Variants in CTNNA2 observed in about 807,000 individuals in gnomAD.
CTNNA2 encodes the protein catenin alpha 2, also known as catenin alpha-2.
In CTNNA2, 42 loss-of-function variants were observed where a neutral mutation model predicts 101.0. That is an observed-to-expected ratio of 0.42 (90% CI 0.32 to 0.54). CTNNA2 has a LOEUF of 0.54. Among genes scored for constraint, CTNNA2 ranks in the 20% least tolerant of loss-of-function variants. CTNNA2 has a pLI of 0.14. For synonymous variants in CTNNA2, 450 were observed against 456.4 expected, an observed-to-expected ratio of 0.99 and a Z score of 0.18; for missense variants, 871 against 1,223.1, an observed-to-expected ratio of 0.71 and a Z score of 4.29.
chr2:80,135,163 G>A (rs1439695696), intron 7 of CTNNA2, among the ~76,000 whole-genome samples: 1 of 152,180 alleles, frequency 6.6e-6, no homozygotes, highest in Non-Finnish European at 1.5e-5. Context: ...TGGGGATTAG[G>A]CTTGGGTGAT....
intron 7 of CTNNA2, among the ~76,000 whole-genome samples, chr2:80,353,623 C>A (rs1209452540): frequency 2.6e-5 from 4 of 152,116 alleles, no homozygotes; most frequent in Non-Finnish European, 5.9e-5. Flanking sequence ...TGTTCTAGAC[C>A]TACCTCTGCC....
chr2:79,579,233 C>T (rs1191356460), intron 1 of CTNNA2, among the ~76,000 whole-genome samples: 1 of 146,714 alleles, frequency 6.8e-6, no homozygotes, highest in African/African-American at 2.5e-5. Flanking sequence ...TATCCCTTCC[C>T]TTCCCTTCCT....
chr2:79,591,953 A>G (rs529418429), intron 1 of CTNNA2, among the ~76,000 whole-genome samples: 10 of 135,536 alleles, frequency 7.4e-5, no homozygotes, highest in African/African-American at 2.7e-4. Flanking sequence ...TCTTTTTTAC[A>G]TTCATTTAAT....
rs750967489 is a variant in CTNNA2 at position 80,647,907 on chromosome 2, TTTTC to T, written c.*47_*50del. ...TTTTAACAAGAAAGCTTTTTCTTTCTTTTCTTTCTTTCTTTTTCTTTTTAATTCC... is the reference window on the plus strand; with the variant it reads ...TTTTAACAAGAAAGCTTTTTCTTTCTTTTCTTTCTTTTTCTTTTTAATTCC... On this transcript the variant is annotated 3_prime_UTR_variant, in exon 19 of 19. Coordinates refer to ENST00000402739, the MANE Select transcript of CTNNA2 (RefSeq NM_001282597.3). The T allele has an allele frequency of 7.6e-5, 116 of 1,527,608 alleles. No individual in the cohort carries two copies. Among genetic ancestry groups the T allele is most frequent in the African/African-American group, 2.6e-4 (19 of 71,714 alleles). The allele number at this position is 1,527,608 out of a possible 1,614,324, so 94.6% of individuals were successfully genotyped here.
chr2:79,803,288 C>G (rs1328957757), intron 3 of CTNNA2, among the ~76,000 whole-genome samples: 1 of 152,218 alleles, frequency 6.6e-6, no homozygotes, highest in Non-Finnish European at 1.5e-5. Flanking sequence ...AATTAAGATA[C>G]ACACACAGAA....
intron 7 of CTNNA2, among the ~76,000 whole-genome samples, chr2:80,103,107 G>C (rs7575007): frequency 0.22 from 33,969 of 151,978 alleles, 4,606 homozygotes; most frequent in East Asian, 0.52. Flanking sequence ...TGAGTTTCCT[G>C]TCCTTGATTT....
At position 80,237,132 on chromosome 2, in the gene CTNNA2, T is replaced by G. The variant is rs141932672; in HGVS notation, c.1057-156079T>G. Reference sequence around the variant, plus strand: ...ATCAGAAAACACAGCCACAAAGACATGAGTTCAGAATAAGTGTCTTACAAG... The same window carrying G: ...ATCAGAAAACACAGCCACAAAGACAGGAGTTCAGAATAAGTGTCTTACAAG... On this transcript the variant is annotated intron_variant, in intron 7 of 18. Transcript: ENST00000402739. Among the ~76,000 whole-genome samples the G allele has an allele frequency of 5.0e-3, 763 of 152,200 alleles. 6 individuals are homozygous for G. The highest frequency in any genetic ancestry group is 0.017 in the African/African-American group (719 of 41,534).
chr2:80,067,740 C>A (rs1284680413), intron 7 of CTNNA2, among the ~76,000 whole-genome samples: 1 of 152,174 alleles, frequency 6.6e-6, no homozygotes. Context: ...TCTCCCTACT[C>A]TTCTGGATCC....
chr2:80,322,641 G>A (rs1678826373), intron 7 of CTNNA2, among the ~76,000 whole-genome samples: 1 of 151,876 alleles, frequency 6.6e-6, no homozygotes, highest in Non-Finnish European at 1.5e-5. Flanking sequence ...CAGCCCAGCC[G>A]CCGCGTGTGT....
At chr2:79,676,775 A>G (rs1465346376) in intron 2 of CTNNA2, among the ~76,000 whole-genome samples, 2 of 152,212 alleles carry the variant, frequency 1.3e-5, no homozygotes, top group African/African-American at 4.8e-5. Context: ...CCACCCTGAA[A>G]TGGAAAGGAT....
chr2:80,484,992 C>T (rs1172674369), intron 9 of CTNNA2, among the ~76,000 whole-genome samples: 3 of 151,922 alleles, frequency 2.0e-5, no homozygotes, highest in South Asian at 2.1e-4. Flanking sequence ...TGTGACAGAG[C>T]GAGACTCCGT....
intron 7 of CTNNA2, among the ~76,000 whole-genome samples, chr2:79,970,731 A>C (rs185009375): frequency 3.3e-5 from 5 of 152,260 alleles, no homozygotes; most frequent in Admixed American, 6.5e-5. Flanking sequence ...GGCACCAGTA[A>C]ATTACTGTGA....
chr2:79,626,595 ATGTGTATGTGCGTGTGTG>A (rs1292413165), intron 1 of CTNNA2, among the ~76,000 whole-genome samples: 2 of 142,936 alleles, frequency 1.4e-5, no homozygotes, highest in Non-Finnish European at 3.0e-5. Flanking sequence ...GTGTGCATGT[ATGTGTATGTGCGTGTGTG>A]TGTGTATGTG....
At chr2:80,451,396 T>G (rs1683494297) in intron 9 of CTNNA2, among the ~76,000 whole-genome samples, 4 of 152,130 alleles carry the variant, frequency 2.6e-5, no homozygotes, top group Admixed American at 2.6e-4. Context: ...TGTTTCCCCT[T>G]CTGCCATGAT....
intron 4 of CTNNA2, among the ~76,000 whole-genome samples, chr2:79,466,943 A>G (rs762747170): frequency 1.3e-5 from 2 of 152,234 alleles, no homozygotes. Context: ...AGAGCAGAAC[A>G]TCTGAAAATT....
intron 3 of CTNNA2, among the ~76,000 whole-genome samples, chr2:79,821,772 C>A (rs1231192642): frequency 3.9e-5 from 6 of 152,044 alleles, no homozygotes; most frequent in African/African-American, 1.2e-4. Context: ...CCATATAGAA[C>A]ATATGGAACA....
intron 4 of CTNNA2, among the ~76,000 whole-genome samples, chr2:79,423,816 G>A (rs1253231768): frequency 1.8e-4 from 27 of 152,058 alleles, no homozygotes; most frequent in East Asian, 9.7e-4. Flanking sequence ...TTTAGAATTC[G>A]TTGCCTCTTA....
At chr2:79,825,684 G>T (rs1678381832) in intron 3 of CTNNA2, among the ~76,000 whole-genome samples, 1 of 152,030 alleles carries the variant, frequency 6.6e-6, no homozygotes, top group South Asian at 2.1e-4. Context: ...CAGAGGCAAG[G>T]TAAGAACTGG....
intron 17 of CTNNA2, among the ~76,000 whole-genome samples, chr2:80,617,696 G>A (rs1485296143): frequency 1.3e-5 from 2 of 151,690 alleles, no homozygotes; most frequent in Admixed American, 1.3e-4. Flanking sequence ...TAGCTTCTGT[G>A]TTTCAAACTG....
Sources: allele counts gnomAD v4.1 joint callset (sites outside exome capture counted in the v4.1 genomes callset), GRCh38; gene constraint gnomAD v4.1.1; transcripts MANE v1.5; gene names NCBI Gene and HGNC (gene_info 2026-07-23, HGNC 2026-07-21).